CDH19: variants seen among roughly 807,000 people sequenced by gnomAD.
The protein encoded by CDH19 is cadherin 19.
Under a neutral mutation model 64.2 loss-of-function variants are expected in CDH19, and 67 were observed. The observed-to-expected ratio is 1.04, with a 90% CI of 0.86 to 1.28. CDH19 has a LOEUF of 1.28. CDH19 is among the 50% of genes most tolerant of loss of function. The probability of loss-of-function intolerance (pLI) is 0.00; values close to 1 mark genes in which losing one functional copy is unlikely to be tolerated. For synonymous variants in CDH19, 346 were observed against 319.3 expected (o/e 1.08, Z -0.89); for missense variants, 1,030 against 929.0 (o/e 1.11, Z -1.41).
At chr18:66,562,631 C>T (rs1177092008) in intron 3 of CDH19, among the ~76,000 whole-genome samples, 4 of 151,926 alleles carry the variant, frequency 2.6e-5, no homozygotes, top group Non-Finnish European at 2.9e-5. Flanking sequence ...ACTTGTACCA[C>T]GTGCTTGAAA....
chr18:66,507,635 A>C (rs935801436), intron 11 of CDH19, among the ~76,000 whole-genome samples: 1 of 151,892 alleles, frequency 6.6e-6, no homozygotes, highest in East Asian at 1.9e-4. Flanking sequence ...ATAGCAATAG[A>C]AAAAAACAAG....
In CDH19 at chr18:66,579,921, G is replaced by T. The variant is rs1988376797; in HGVS notation, c.-112-7605C>A. ...AAGCATATTGGTATTAGAAATGACA[G>T]GGTGTCTTGAGAAAAAGTATATTTT... On this transcript the variant is annotated intron_variant, in intron 1 of 11. Transcript: ENST00000262150. Among the ~76,000 whole-genome samples, 4 of 151,892 alleles carry T rather than the reference G, an allele frequency of 2.6e-5. No individual in the cohort carries two copies. The South Asian group carries it at 8.3e-4, about 31-fold the overall frequency.
chr18:66,504,796 T>C lies in CDH19; in HGVS notation c.*16A>G. On this transcript the variant is annotated 3_prime_UTR_variant, in exon 12 of 12. Transcript: ENST00000262150. ...ATACACATTAGCACTTTTAAAAATT[T>C]TGATGGTAAAAAGCCCTAATTATTT... 6.3e-7 allele frequency: 1 copy of C among 1,576,236 alleles called. No homozygotes were observed. Among genetic ancestry groups the C allele is most frequent in the African/African-American group, 1.4e-5 (1 of 73,300 alleles).
intron 8 of CDH19, chr18:66,532,525 AAGAG>A (rs1185458385): frequency 3.2e-5 from 8 of 248,996 alleles, no homozygotes; most frequent in Admixed American, 5.3e-5. Flanking sequence ...CACACAGAGA[AAGAG>A]AGAGAGAGAG....
At chr18:66,510,891 A>G (rs1385186063) in intron 10 of CDH19, among the ~76,000 whole-genome samples, 1 of 151,660 alleles carries the variant, frequency 6.6e-6, no homozygotes, top group Non-Finnish European at 1.5e-5. Context: ...CTTGAGTAAT[A>G]AATCAACTGT....
rs1985022613 is a variant in CDH19 at position 66,503,194 on chromosome 18, A to G, written c.*1618T>C. 6.6e-6 allele frequency: 1 copy of G among 151,854 alleles called. No homozygotes were observed. Among genetic ancestry groups the G allele is most frequent in the African/African-American group, 2.4e-5 (1 of 41,430 alleles). The allele number at this position is 151,854 out of a possible 1,614,324, so 9.4% of individuals were successfully genotyped here. ...TCTACCTTGATTTGGATAGAATAAT[A>G]AAGATCATTCTTAAAAGGTCGATTA... On this transcript the variant is annotated 3_prime_UTR_variant, in exon 12 of 12. Transcript: ENST00000262150.
rs182494224 is a variant in CDH19 at position 66,592,987 on chromosome 18, T to C, written c.-113+10967A>G. On this transcript the variant is annotated intron_variant, in intron 1 of 11. Coordinates refer to ENST00000262150, the MANE Select transcript of CDH19 (RefSeq NM_021153.4). ...GTTTTTGGAGAAACCTTCATACTGT[T>C]TTACATAATGGCTGTACTATTTTAC... 9.2e-4 allele frequency among the ~76,000 whole-genome samples: 140 copies of C among 151,974 alleles called. 1 individual carries two copies. The highest frequency in any genetic ancestry group is 3.2e-3 in the African/African-American group (131 of 41,536).
At chr18:66,589,036 T>C (rs1054748888) in intron 1 of CDH19, among the ~76,000 whole-genome samples, 2 of 151,618 alleles carry the variant, frequency 1.3e-5, no homozygotes, top group Non-Finnish European at 2.9e-5. Flanking sequence ...AGACTGAAAA[T>C]TTCATGAACC....
chr18:66,556,352 T>C (rs1479749778), intron 3 of CDH19, among the ~76,000 whole-genome samples: 4 of 151,764 alleles, frequency 2.6e-5, no homozygotes, highest in Non-Finnish European at 4.4e-5. Flanking sequence ...GTCCTCATGT[T>C]GTACATTAGA....
At chr18:66,569,446 C>T (rs1287904142) in intron 2 of CDH19, among the ~76,000 whole-genome samples, 1 of 151,556 alleles carries the variant, frequency 6.6e-6, no homozygotes, top group African/African-American at 2.4e-5. Flanking sequence ...TTCAGACTGT[C>T]CACTGACAAC....
chr18:66,511,741 C>G, intron 9 of CDH19, 56 bp from the exon 10 acceptor site: 1 of 792,826 alleles, frequency 1.3e-6, no homozygotes, highest in East Asian at 2.5e-5. Context: ...AAGAAGATCA[C>G]TGCTGCTATT....
At chr18:66,601,111 A>G (rs903672318) in intron 1 of CDH19, among the ~76,000 whole-genome samples, 1 of 151,746 alleles carries the variant, frequency 6.6e-6, no homozygotes, top group Non-Finnish European at 1.5e-5. Flanking sequence ...CTTTGCCTTT[A>G]TTATTATTCT....
At position 66,582,464 on chromosome 18, in the gene CDH19, TAC is replaced by T. The variant is rs144658743; in HGVS notation, c.-112-10150_-112-10149del. On this transcript the variant is annotated intron_variant, in intron 1 of 11. Coordinates refer to ENST00000262150, the MANE Select transcript of CDH19 (RefSeq NM_021153.4). ...TGAAATATAAAGAAATGTGAGTGGATACAGTTTGCATACATAAGTGAAAAGGA... is the reference window on the plus strand; with the variant it reads ...TGAAATATAAAGAAATGTGAGTGGATAGTTTGCATACATAAGTGAAAAGGA... 2.5e-3 allele frequency among the ~76,000 whole-genome samples: 386 copies of T among 152,144 alleles called. 3 individuals are homozygous for T. Among genetic ancestry groups the T allele is most frequent in the African/African-American group, 8.9e-3 (369 of 41,532 alleles).
At chr18:66,535,165 G>C (rs994223877) in intron 7 of CDH19, 58 bp from the exon 8 acceptor site, 1 of 1,063,218 alleles carries the variant, frequency 9.4e-7, no homozygotes, top group Non-Finnish European at 1.3e-6. Context: ...AACAGTGTTA[G>C]ATAATACTCT....
At chr18:66,603,085 G>A (rs538702212) in intron 1 of CDH19, among the ~76,000 whole-genome samples, 2 of 150,614 alleles carry the variant, frequency 1.3e-5, no homozygotes, top group Non-Finnish European at 3.0e-5. Context: ...AATTAATAGA[G>A]CTAAAATATA....
intron 8 of CDH19, among the ~76,000 whole-genome samples, chr18:66,531,482 A>G (rs8096622): frequency 0.017 from 2,584 of 152,206 alleles, 64 homozygotes; most frequent in African/African-American, 0.057. Flanking sequence ...AGCTGAGTGT[A>G]GTAGTGTACA....
At chr18:66,584,415 A>G (rs972950355) in intron 1 of CDH19, among the ~76,000 whole-genome samples, 1 of 152,094 alleles carries the variant, frequency 6.6e-6, no homozygotes, top group Non-Finnish European at 1.5e-5. Context: ...TATTTACATT[A>G]GTTCATTTAT....
At chr18:66,540,443 C>T (rs763729392) in intron 7 of CDH19, among the ~76,000 whole-genome samples, 11 of 152,102 alleles carry the variant, frequency 7.2e-5, no homozygotes, top group Non-Finnish European at 1.2e-4. Context: ...TCTTAGTCAT[C>T]ACAGACAGCT....
At chr18:66,530,332 GATT>G (rs879261844) in intron 8 of CDH19, among the ~76,000 whole-genome samples, 1 of 151,836 alleles carries the variant, frequency 6.6e-6, no homozygotes, top group Non-Finnish European at 1.5e-5. Flanking sequence ...TCAATATATG[GATT>G]ATTATCCCCC....
Sources: gnomAD v4.1 joint callset for allele counts (sites outside exome capture counted in the v4.1 genomes callset) on GRCh38, gnomAD v4.1.1 for gene constraint, MANE v1.5 for transcripts, NCBI Gene and HGNC (gene_info 2026-07-23, HGNC 2026-07-21) for gene names.